The following GTF2IRD1 variants were observed in gnomAD, a reference collection of about 807,000 sequenced individuals.
GTF2IRD1 encodes the protein GTF2I repeat domain containing 1.
GTF2IRD1 carries 26 observed loss-of-function variants against 113.2 expected under a neutral mutation model. That is an observed-to-expected ratio of 0.23 (90% CI 0.17 to 0.32). GTF2IRD1 has a LOEUF of 0.32. Among genes scored for constraint, GTF2IRD1 ranks in the 10% least tolerant of loss-of-function variants. GTF2IRD1 has a pLI of 1.00. For missense variants in GTF2IRD1, 864 were observed against 1,280.8 expected (o/e 0.67, Z 4.97); for synonymous variants, 484 against 529.1 (o/e 0.91, Z 1.17).
rs1255422344 is a variant in GTF2IRD1, at chr7:74,590,737, G to C, written c.2399-88G>C. The C allele has an allele frequency of 1.6e-5, 14 of 859,858 alleles. No individual in the cohort carries two copies. The South Asian group carries it at 1.7e-4, about 10-fold the overall frequency. The allele number at this position is 859,858 out of a possible 1,614,324, so 53.3% of individuals were successfully genotyped here. A position where few individuals can be genotyped will look rare whatever the true frequency, so the allele number is the denominator to read the frequency against. Reference sequence around the variant, plus strand: ...TCTGGGTGTGATGGCTGCTGGGCTAGGGCAGCCCAGACTCCAGCCCTTTCC... The same window carrying C: ...TCTGGGTGTGATGGCTGCTGGGCTACGGCAGCCCAGACTCCAGCCCTTTCC... On this transcript the variant is annotated intron_variant, in intron 23 of 26. Transcript: ENST00000424337.
Position 74,521,317 on chromosome 7 carries a change from G to T in GTF2IRD1, c.1006+20G>T. ...AGTCAGGTAGGACAGCGCCCACGAA[G>T]CACCCCGGCCTGAGTGGGAATCTGA... is the stretch of plus-strand genomic sequence containing the variant. On this transcript the variant is annotated intron_variant, in intron 7 of 26. Transcript: ENST00000424337. The T allele has an allele frequency of 6.8e-7, 1 of 1,478,432 alleles. No individual in the cohort carries two copies. The allele number at this position is 1,478,432 out of a possible 1,614,324, so 91.6% of individuals were successfully genotyped here.
chr7:74,517,611 G>A (rs1312827407), intron 4 of GTF2IRD1, among the ~76,000 whole-genome samples: 1 of 151,224 alleles, frequency 6.6e-6, no homozygotes, highest in Non-Finnish European at 1.5e-5. Context: ...GTAGAGACGG[G>A]GTTTCATCAT....
chr7:74,458,977 C>T (rs111906060), intron 1 of GTF2IRD1, among the ~76,000 whole-genome samples: 1,568 of 152,188 alleles, frequency 0.01, 23 homozygotes, highest in African/African-American at 0.035. Context: ...ACTTCTTCAC[C>T]CACCCTATTT....
intron 17 of GTF2IRD1, among the ~76,000 whole-genome samples, chr7:74,553,679 G>A (rs1799437299): frequency 6.6e-6 from 1 of 152,168 alleles, no homozygotes; most frequent in African/African-American, 2.4e-5. Context: ...GAGGCCGTCT[G>A]GTGGGTTTGA....
At chr7:74,583,901 A>G (rs1392203931) in intron 22 of GTF2IRD1, among the ~76,000 whole-genome samples, 1 of 152,076 alleles carries the variant, frequency 6.6e-6, no homozygotes, top group Non-Finnish European at 1.5e-5. Context: ...CAGCGTGCAG[A>G]TGAGCCCACA....
intron 1 of GTF2IRD1, among the ~76,000 whole-genome samples, chr7:74,502,883 AGGGCTGGGC>A (rs1482969019): frequency 6.6e-6 from 1 of 152,150 alleles, no homozygotes; most frequent in Non-Finnish European, 1.5e-5. Flanking sequence ...TACAGTGTCC[AGGGCTGGGC>A]GCGGTGGCTC....
intron 1 of GTF2IRD1, among the ~76,000 whole-genome samples, chr7:74,465,736 CGTGGGGTGTGGGGT>C (rs1269479782): frequency 6.6e-6 from 1 of 151,986 alleles, no homozygotes; most frequent in African/African-American, 2.4e-5. Flanking sequence ...CCCCTCTGTC[CGTGGGGTGTGGGGT>C]GTGGGGTGTG....
chr7:74,529,280 G>T (rs1297260176), intron 8 of GTF2IRD1, among the ~76,000 whole-genome samples: 1 of 151,988 alleles, frequency 6.6e-6, no homozygotes, highest in African/African-American at 2.4e-5. Context: ...TTGAGACAGG[G>T]TCTCACTCTG....
intron 22 of GTF2IRD1, among the ~76,000 whole-genome samples, chr7:74,562,514 T>C (rs1554359359): frequency 6.7e-6 from 1 of 149,694 alleles, no homozygotes; most frequent in Non-Finnish European, 1.5e-5. Flanking sequence ...AGATGGGCAG[T>C]GCTAGGTTAG....
intron 22 of GTF2IRD1, among the ~76,000 whole-genome samples, chr7:74,569,594 C>T (rs1441821492): frequency 8.5e-5 from 13 of 152,130 alleles, no homozygotes; most frequent in African/African-American, 2.2e-4. Flanking sequence ...TGTAATGATA[C>T]GATCAGATTT....
intron 26 of GTF2IRD1, chr7:74,601,560 G>T: frequency 1.8e-6 from 2 of 1,125,434 alleles, no homozygotes; most frequent in Non-Finnish European, 2.4e-6. Flanking sequence ...ATCACCTGAG[G>T]TCAGGAGTTT....
rs1451718610 is a variant in GTF2IRD1 at position 74,536,107 on chromosome 7, G to A, written c.1301-60G>A. On this transcript the variant is annotated intron_variant, in intron 10 of 26. Transcript: ENST00000424337. ...TTCACACACAGACCTTTACCCAGGG[G>A]CTCTGCAGCAAGAGGAGGCCAGAGG... is the stretch of plus-strand genomic sequence containing the variant. 13 of 1,042,992 alleles carry A rather than the reference G, an allele frequency of 1.2e-5. No homozygotes were observed. In the South Asian group the frequency reaches 1.4e-4, roughly 11 times the overall value. 64.6% of individuals were successfully genotyped at this position (1,042,992 alleles called of 1,614,324 possible).
intron 1 of GTF2IRD1, among the ~76,000 whole-genome samples, chr7:74,498,791 A>C (rs1795867810): frequency 6.7e-6 from 1 of 150,322 alleles, no homozygotes; most frequent in Non-Finnish European, 1.5e-5. Flanking sequence ...TGCAGTGGCA[A>C]GATCTCAGCT....
At chr7:74,526,855 T>C (rs1554347315) in intron 8 of GTF2IRD1, among the ~76,000 whole-genome samples, 1 of 152,060 alleles carries the variant, frequency 6.6e-6, no homozygotes, top group Non-Finnish European at 1.5e-5. Flanking sequence ...AAGGTTTCAT[T>C]TGACAACGAG....
At chr7:74,554,946 G>C (rs1799507233) in intron 17 of GTF2IRD1, among the ~76,000 whole-genome samples, 1 of 152,184 alleles carries the variant, frequency 6.6e-6, no homozygotes, top group East Asian at 1.9e-4. Context: ...TGAGATATCA[G>C]ATGGACCTGT....
intron 1 of GTF2IRD1, among the ~76,000 whole-genome samples, chr7:74,479,161 G>A (rs1313606349): frequency 6.6e-6 from 1 of 152,058 alleles, no homozygotes; most frequent in African/African-American, 2.4e-5. Context: ...AGCATGACCC[G>A]ACAGTTCCTC....
intron 1 of GTF2IRD1, among the ~76,000 whole-genome samples, chr7:74,455,837 CA>C (rs1792937199): frequency 6.6e-6 from 1 of 152,168 alleles, no homozygotes; most frequent in South Asian, 2.1e-4. Context: ...GAGGGTCCCA[CA>C]GGACCCCACA....
chr7:74,528,275 A>G (rs587670181), intron 8 of GTF2IRD1, among the ~76,000 whole-genome samples: 1 of 152,274 alleles, frequency 6.6e-6, no homozygotes, highest in East Asian at 1.9e-4. Flanking sequence ...TAGTGGTGCA[A>G]TCACAGCTCA....
At chr7:74,546,218 CTTTTT>C (rs1222914895) in intron 16 of GTF2IRD1, among the ~76,000 whole-genome samples, 1 of 126,508 alleles carries the variant, frequency 7.9e-6, no homozygotes. Flanking sequence ...CCATGTTTTT[CTTTTT>C]TTTTTTTTTT....
Sources: allele counts gnomAD v4.1 joint callset (sites outside exome capture counted in the v4.1 genomes callset), GRCh38; gene constraint gnomAD v4.1.1; transcripts MANE v1.5; gene names NCBI Gene and HGNC (gene_info 2026-07-23, HGNC 2026-07-21).